Variants in SH3BGR observed in about 807,000 individuals in gnomAD.
SH3BGR encodes the protein SH3 domain binding glutamate rich protein.
SH3BGR carries 29 observed loss-of-function variants against 24.5 expected under a neutral mutation model. The observed-to-expected ratio is 1.18, with a 90% CI of 0.88 to 1.61. The LOEUF is 1.61. SH3BGR is among the 40% of genes most tolerant of loss of function. The probability of loss-of-function intolerance (pLI) is 0.00; values close to 1 mark genes in which losing one functional copy is unlikely to be tolerated. For synonymous variants in SH3BGR, 55 were observed against 65.7 expected (o/e 0.84, Z 0.79); for missense variants, 162 against 205.8 (o/e 0.79, Z 1.30).
chr21:39,461,362 C>A (rs978247070), intron 1 of SH3BGR, among the ~76,000 whole-genome samples: 2 of 152,082 alleles, frequency 1.3e-5, no homozygotes, highest in Non-Finnish European at 2.9e-5. Flanking sequence ...GTCTTGAACT[C>A]CTGACCTCAG....
At chr21:39,512,689 G>A (rs1014138912) in intron 6 of SH3BGR, among the ~76,000 whole-genome samples, 4 of 152,158 alleles carry the variant, frequency 2.6e-5, no homozygotes, top group African/African-American at 9.7e-5. Flanking sequence ...CTACTTGGGA[G>A]GCTGAAGCCT....
chr21:39,482,819 G>A (rs986048428), intron 3 of SH3BGR, among the ~76,000 whole-genome samples: 2 of 152,030 alleles, frequency 1.3e-5, no homozygotes, highest in African/African-American at 2.4e-5. Context: ...ACCCGTGCCC[G>A]CCACCACGCC....
intron 1 of SH3BGR, among the ~76,000 whole-genome samples, chr21:39,459,030 G>T (rs2077711129): frequency 6.6e-6 from 1 of 151,160 alleles, no homozygotes; most frequent in Non-Finnish European, 1.5e-5. Flanking sequence ...GTACCAATTA[G>T]TTCTGTGGTT....
chr21:39,451,910 G>T (rs143407181), upstream of SH3BGR: 2 of 1,613,916 alleles, frequency 1.2e-6, no homozygotes, highest in Non-Finnish European at 8.5e-7. Flanking sequence ...AGCCCAAGAT[G>T]CCTCTGCTGC....
upstream of SH3BGR, among the ~76,000 whole-genome samples, chr21:39,447,861 TC>T (rs2148435878): frequency 6.6e-6 from 1 of 152,328 alleles, no homozygotes; most frequent in South Asian, 2.1e-4. Flanking sequence ...GTTCCTAGGT[TC>T]CTAGGGATGT....
At chr21:39,494,441 G>A (rs1424177437) in intron 3 of SH3BGR, among the ~76,000 whole-genome samples, 1 of 152,068 alleles carries the variant, frequency 6.6e-6, no homozygotes, top group East Asian at 1.9e-4. Flanking sequence ...TTTATCTGAA[G>A]TGTCTTTACT....
intron 4 of SH3BGR, among the ~76,000 whole-genome samples, chr21:39,501,101 G>C (rs1031773711): frequency 5.9e-5 from 9 of 152,288 alleles, no homozygotes; most frequent in Middle Eastern, 3.4e-3. Context: ...TCATTATCTT[G>C]TAATTAAAAC....
At chr21:39,509,132 C>G in intron 5 of SH3BGR, 105 bp downstream of exon 5, 1 of 809,128 alleles carries the variant, frequency 1.2e-6, no homozygotes, top group Non-Finnish European at 2.0e-6. Context: ...CATAAGAGAG[C>G]GATGCAACCC....
chr21:39,471,266 AT>A (rs2077935504), intron 2 of SH3BGR, among the ~76,000 whole-genome samples: 1 of 152,056 alleles, frequency 6.6e-6, no homozygotes. Context: ...AAGGGTTGTT[AT>A]CTTTCAATAA....
chr21:39,497,469 AC>A (rs1040328869), intron 3 of SH3BGR, among the ~76,000 whole-genome samples: 65 of 151,924 alleles, frequency 4.3e-4, no homozygotes, highest in African/African-American at 1.5e-3. Flanking sequence ...CCATAAAAAG[AC>A]TAAAAACTAA....
chr21:39,512,828 AAACAG>A (rs754525564), intron 6 of SH3BGR, among the ~76,000 whole-genome samples: 18 of 151,992 alleles, frequency 1.2e-4, no homozygotes, highest in Non-Finnish European at 2.2e-4. Context: ...AAACAAAACA[AAACAG>A]AAGACATTAA....
upstream of SH3BGR, among the ~76,000 whole-genome samples, chr21:39,451,511 T>C (rs192439198): frequency 2.4e-3 from 362 of 152,336 alleles, 3 homozygotes; most frequent in Admixed American, 0.022. Context: ...TAAAAAATTT[T>C]TTTTAACCTG....
chr21:39,462,636 G>A, intron 2 of SH3BGR, 76 bp downstream of exon 2: 2 of 1,059,640 alleles, frequency 1.9e-6, no homozygotes, highest in Non-Finnish European at 2.6e-6. Flanking sequence ...TTAAGTTTGA[G>A]TCAGCATTTG....
intron 4 of SH3BGR, among the ~76,000 whole-genome samples, chr21:39,508,741 A>C (rs2078624853): frequency 6.6e-6 from 1 of 152,216 alleles, no homozygotes; most frequent in Non-Finnish European, 1.5e-5. Flanking sequence ...ATTAATAATT[A>C]CATTTTCTCA....
intron 1 of SH3BGR, among the ~76,000 whole-genome samples, chr21:39,454,900 G>A (rs2077630751): frequency 6.6e-6 from 1 of 152,186 alleles, no homozygotes; most frequent in African/African-American, 2.4e-5. Context: ...GGTACAAAAT[G>A]CTTTTCCATG....
At chr21:39,502,432 C>T (rs1276436924) in intron 4 of SH3BGR, among the ~76,000 whole-genome samples, 2 of 152,222 alleles carry the variant, frequency 1.3e-5, no homozygotes, top group African/African-American at 4.8e-5. Context: ...CTCCTCTTGG[C>T]TTGCTGTGGT....
rs565975310 is a variant in SH3BGR at position 39,474,536 on chromosome 21, G to A, written c.232-599G>A. Among the ~76,000 whole-genome samples the A allele has an allele frequency of 8.6e-4, 131 of 152,298 alleles. 1 individual carries two copies. The highest frequency in any genetic ancestry group is 2.6e-3 in the Admixed American group (40 of 15,298). ...GGTGGTTTAGGGCTGGACCTGCCTG[G>A]TGAAGGACTGGCCCTGGTAGGATCT... is the stretch of plus-strand genomic sequence containing the variant. On this transcript the variant is annotated intron_variant, in intron 2 of 6. Coordinates refer to ENST00000333634, the MANE Select transcript of SH3BGR (RefSeq NM_007341.3).
chr21:39,494,945 G>C (rs1012794919), intron 3 of SH3BGR, among the ~76,000 whole-genome samples: 4 of 151,520 alleles, frequency 2.6e-5, no homozygotes, highest in African/African-American at 9.7e-5. Context: ...TTTATTTTAA[G>C]TTCACTTATT....
intron 3 of SH3BGR, among the ~76,000 whole-genome samples, chr21:39,494,157 A>G (rs902134477): frequency 2.6e-5 from 4 of 152,092 alleles, no homozygotes; most frequent in African/African-American, 9.7e-5. Flanking sequence ...CCTTTATGCT[A>G]TACGATCATG....
Sources: allele counts gnomAD v4.1 joint callset (sites outside exome capture counted in the v4.1 genomes callset), GRCh38; gene constraint gnomAD v4.1.1; transcripts MANE v1.5; gene names NCBI Gene and HGNC (gene_info 2026-07-23, HGNC 2026-07-21).